Variants in ANO1 observed in about 807,000 individuals in gnomAD.
The protein encoded by ANO1 is anoctamin-1.
ANO1 carries 59 observed loss-of-function variants against 124.0 expected under a neutral mutation model. The observed-to-expected ratio is 0.48, with a 90% CI of 0.39 to 0.59. ANO1 has a LOEUF of 0.59. Ranked by LOEUF, ANO1 falls within the 20% of genes least tolerant of loss-of-function variation. ANO1 has a pLI of 0.00. For missense variants in ANO1, 1,059 were observed against 1,328.0 expected (o/e 0.80, Z 3.15); for synonymous variants, 529 against 532.0 (o/e 0.99, Z 0.08).
Position 70,131,956 on chromosome 11 carries a change from T to C in ANO1, c.1135T>C (p.Cys379Arg). The C allele has an allele frequency of 6.2e-7, 1 of 1,609,724 alleles. No individual in the cohort carries two copies. The highest frequency in any genetic ancestry group is 8.5e-7 in the Non-Finnish European group (1 of 1,179,744). ...TGACCAGAGACACAATATCACCATG[T>C]GCCCGCTTTGCGACAAGACCTGCAG... is the stretch of plus-strand genomic sequence containing the variant. ...MCDQRHNITM[C>R]PLCDKTCSYW... The change falls in exon 11 of 26, where the codon TGC becomes CGC. Residue 379 changes from cysteine to arginine, a missense_variant. By Grantham distance (180) the Cys-to-Arg change is radical. Transcript: ENST00000355303.
At chr11:70,056,675 C>G (rs782445604) in intron 1 of ANO1, 1 of 152,098 alleles carries the variant, frequency 6.6e-6, no homozygotes, top group Admixed American at 6.5e-5. Context: ...GGCCTGGTGT[C>G]TCTCATCAGT....
chr11:69,985,871 C>G (rs1261746671), upstream of ANO1: 19 of 152,196 alleles, frequency 1.2e-4, no homozygotes. Flanking sequence ...CCGGGACCCC[C>G]AGACCAAAAA....
intron 15 of ANO1, 105 bp from the exon 16 acceptor site, chr11:70,156,842 G>T: frequency 1.0e-6 from 1 of 959,712 alleles, no homozygotes; most frequent in Non-Finnish European, 1.6e-6. Flanking sequence ...TGTTGTTCAA[G>T]TTGTCCCTGG....
intron 8 of ANO1, among the ~76,000 whole-genome samples, chr11:70,122,764 C>G (rs1043319334): frequency 6.6e-6 from 1 of 152,020 alleles, no homozygotes; most frequent in Non-Finnish European, 1.5e-5. Context: ...CCCCCTTCCT[C>G]CCTCTGTCTC....
At chr11:70,082,110 G>GTTGC (rs1590677523) in intron 1 of ANO1, among the ~76,000 whole-genome samples, 1 of 152,248 alleles carries the variant, frequency 6.6e-6, no homozygotes, top group Non-Finnish European at 1.5e-5. Context: ...TGGTGTTTAA[G>GTTGC]TTGCTGGCCT....
intron 1 of ANO1, among the ~76,000 whole-genome samples, chr11:70,022,466 G>T (rs1180044011): frequency 5.3e-5 from 8 of 152,084 alleles, no homozygotes; most frequent in Non-Finnish European, 2.9e-5. Flanking sequence ...GGACGTGGTG[G>T]CAGGTGCCTC....
chr11:70,029,418 A>G (rs1385418268), intron 1 of ANO1, among the ~76,000 whole-genome samples: 1 of 152,174 alleles, frequency 6.6e-6, no homozygotes, highest in African/African-American at 2.4e-5. Context: ...AGCCATTTGT[A>G]GGGGGTGTTT....
At chr11:70,059,165 C>A (rs1186451483) in intron 1 of ANO1, among the ~76,000 whole-genome samples, 5 of 151,580 alleles carry the variant, frequency 3.3e-5, no homozygotes, top group African/African-American at 1.2e-4. Context: ...GCACTCCAAC[C>A]TGAGCGACAG....
At chr11:70,036,774 AT>A (rs369537092) in intron 1 of ANO1, among the ~76,000 whole-genome samples, 1 of 151,916 alleles carries the variant, frequency 6.6e-6, no homozygotes, top group African/African-American at 2.4e-5. Context: ...CACCCGGCTA[AT>A]TTTTTGTATT....
intron 23 of ANO1, among the ~76,000 whole-genome samples, chr11:70,181,189 A>G (rs1422834909): frequency 9.2e-5 from 14 of 152,130 alleles, no homozygotes; most frequent in African/African-American, 3.4e-4. Flanking sequence ...GCTGAGCCCA[A>G]TCCTCCCCGC....
chr11:70,105,644 G>A, intron 4 of ANO1, 90 bp from the exon 5 acceptor site: 1 of 1,215,992 alleles, frequency 8.2e-7, no homozygotes. Context: ...CACGGCTAAT[G>A]GGGACAGTGT....
intron 2 of ANO1, among the ~76,000 whole-genome samples, chr11:70,097,301 G>A (rs1011605347): frequency 6.6e-6 from 1 of 152,152 alleles, no homozygotes; most frequent in Non-Finnish European, 1.5e-5. Flanking sequence ...CCTGAGACTC[G>A]AGTCTGGAGA....
chr11:70,126,156 TC>T lies in ANO1; in HGVS notation c.1060del (p.Leu354CysfsTer38). On this transcript the variant is annotated frameshift_variant, in exon 10 of 26. Coordinates refer to ENST00000355303, the MANE Select transcript of ANO1 (RefSeq NM_018043.7). LOFTEE classifies it high-confidence loss of function. Reference protein sequence around the residue: ...IPASIVGIIVFLYGCATMDEN... With the variant: ...IPASIVGIIVXLYGCATMDEN... ...GCCTCCATCGTGGGAATCATTGTCT[TC>T]CTGTACGGATGCGCCACCATGGATG... 1 of 1,613,626 alleles carries T rather than the reference TC, an allele frequency of 6.2e-7. No individual in the cohort carries two copies. The highest frequency in any genetic ancestry group is 8.5e-7 in the Non-Finnish European group (1 of 1,179,712).
intron 1 of ANO1, among the ~76,000 whole-genome samples, chr11:69,999,451 T>C (rs1336548436): frequency 6.6e-6 from 1 of 152,158 alleles, no homozygotes; most frequent in African/African-American, 2.4e-5. Flanking sequence ...GGGGACAATG[T>C]CCAAACTATA....
chr11:70,108,328 A>T (rs1397346070), intron 5 of ANO1, 25 bp from the exon 6 acceptor site: 8 of 1,600,192 alleles, frequency 5.0e-6, no homozygotes, highest in South Asian at 4.5e-5. Flanking sequence ...GTAACTGCTC[A>T]CCCCCCTTCT....
chr11:70,135,345 C>T (rs1169868400), intron 11 of ANO1, among the ~76,000 whole-genome samples: 1 of 152,236 alleles, frequency 6.6e-6, no homozygotes, highest in African/African-American at 2.4e-5. Flanking sequence ...ATGCTATTCC[C>T]ATGAGTTAAG....
chr11:70,032,831 G>A (rs1857026637), intron 1 of ANO1, among the ~76,000 whole-genome samples: 1 of 152,084 alleles, frequency 6.6e-6, no homozygotes, highest in Non-Finnish European at 1.5e-5. Flanking sequence ...AGGAGGGAAA[G>A]AAGTGGAGGG....
intron 14 of ANO1, among the ~76,000 whole-genome samples, chr11:70,154,750 G>A (rs1190271571): frequency 5.9e-5 from 9 of 152,126 alleles, no homozygotes; most frequent in Non-Finnish European, 2.9e-5. Flanking sequence ...TTACAGGTGC[G>A]AGCCACTGTG....
chr11:70,167,417 A>G (rs1168012400), intron 21 of ANO1, 30 bp downstream of exon 21: 1 of 1,595,680 alleles, frequency 6.3e-7, no homozygotes, highest in East Asian at 2.3e-5. Context: ...GGCAGGTGAC[A>G]TCAGGATAGA....
Sources: allele counts gnomAD v4.1 joint callset (sites outside exome capture counted in the v4.1 genomes callset), GRCh38; gene constraint gnomAD v4.1.1; transcripts MANE v1.5; gene names NCBI Gene and HGNC (gene_info 2026-07-23, HGNC 2026-07-21).